INSYN2B: variants seen among roughly 807,000 people sequenced by gnomAD.
The protein encoded by INSYN2B is protein INSYN2B.
In INSYN2B, 16 loss-of-function variants were observed where a neutral mutation model predicts 41.2. The observed-to-expected ratio is 0.39, with a 90% CI of 0.26 to 0.59. The LOEUF (loss-of-function observed/expected upper bound fraction) is 0.59. INSYN2B is among the 20% of genes least tolerant of loss of function. INSYN2B has a pLI of 0.57. For synonymous variants in INSYN2B, 245 were observed against 244.4 expected (o/e 1.00, Z -0.02); for missense variants, 608 against 646.4 (o/e 0.94, Z 0.64).
At chr5:169,913,976 C>T (rs1160014124) in intron 1 of INSYN2B, among the ~76,000 whole-genome samples, 5 of 152,180 alleles carry the variant, frequency 3.3e-5, no homozygotes, top group East Asian at 1.9e-4. Context: ...AGAAAACTCA[C>T]GTGTCCTGAC....
intron 1 of INSYN2B, among the ~76,000 whole-genome samples, chr5:169,901,786 A>G (rs951348803): frequency 1.3e-5 from 2 of 152,248 alleles, no homozygotes; most frequent in South Asian, 2.1e-4. Flanking sequence ...AGGCTTTCCC[A>G]GAGCCAAATG....
At chr5:169,919,980 T>C (rs1249733250) in intron 1 of INSYN2B, among the ~76,000 whole-genome samples, 1 of 152,246 alleles carries the variant, frequency 6.6e-6, no homozygotes, top group Non-Finnish European at 1.5e-5. Flanking sequence ...ACACATACTT[T>C]AGTGATACAT....
rs78857315 is a variant in INSYN2B, at chr5:169,908,450, C to T, written c.-918-23634G>A. ...TAATCCCCAAATCATGACATTTGGT[C>T]TTCTGAATATGGCCCCCAAGTTATG... On this transcript the variant is annotated intron_variant, in intron 1 of 3. Coordinates refer to ENST00000377365, the MANE Select transcript of INSYN2B (RefSeq NM_001129891.3). Among the ~76,000 whole-genome samples the T allele has an allele frequency of 5.4e-3, 816 of 152,282 alleles. 7 individuals are homozygous for T. Among genetic ancestry groups the T allele is most frequent in the Admixed American group, 7.9e-3 (121 of 15,286 alleles).
intron 1 of INSYN2B, among the ~76,000 whole-genome samples, chr5:169,979,123 G>T (rs1777846911): frequency 6.6e-6 from 1 of 152,172 alleles, no homozygotes; most frequent in African/African-American, 2.4e-5. Flanking sequence ...GGGGATTCTT[G>T]CTAGCCTGGA....
chr5:169,899,514 A>C (rs1773800471), intron 1 of INSYN2B, among the ~76,000 whole-genome samples: 1 of 152,160 alleles, frequency 6.6e-6, no homozygotes, highest in Admixed American at 6.5e-5. Context: ...CCTCAAATGG[A>C]CTTGAGGATA....
chr5:169,952,643 A>G (rs1474419802), intron 1 of INSYN2B, among the ~76,000 whole-genome samples: 2 of 152,290 alleles, frequency 1.3e-5, no homozygotes, highest in African/African-American at 2.4e-5. Flanking sequence ...GCTCTGGAAT[A>G]GAAGGGATGC....
intron 1 of INSYN2B, among the ~76,000 whole-genome samples, chr5:169,892,174 G>A (rs1036024099): frequency 6.6e-6 from 1 of 151,972 alleles, no homozygotes; most frequent in African/African-American, 2.4e-5. Context: ...CAATAAAGTG[G>A]AGTTGTTCTA....
At chr5:169,961,184 G>C (rs1025197123) in intron 1 of INSYN2B, among the ~76,000 whole-genome samples, 5 of 152,150 alleles carry the variant, frequency 3.3e-5, no homozygotes, top group African/African-American at 1.2e-4. Flanking sequence ...AGATGAGGGG[G>C]CATAAATGGG....
intron 3 of INSYN2B, among the ~76,000 whole-genome samples, chr5:169,877,221 G>T (rs556268585): frequency 8.0e-4 from 122 of 152,346 alleles, no homozygotes; most frequent in Middle Eastern, 3.4e-3. Flanking sequence ...GGCTGGAGAG[G>T]AGCCACAGAC....
At chr5:169,898,844 C>T (rs910364203) in intron 1 of INSYN2B, among the ~76,000 whole-genome samples, 14 of 152,086 alleles carry the variant, frequency 9.2e-5, no homozygotes, top group African/African-American at 2.2e-4. Flanking sequence ...GGCCCGTGGA[C>T]GGTAGTTTGC....
At chr5:169,896,185 C>T (rs1175950138) in intron 1 of INSYN2B, among the ~76,000 whole-genome samples, 6 of 149,664 alleles carry the variant, frequency 4.0e-5, no homozygotes, top group African/African-American at 1.5e-4. Flanking sequence ...GGTCGGGGGG[C>T]GGGGAGGCAG....
At chr5:169,910,491 T>C (rs1774533773) in intron 1 of INSYN2B, among the ~76,000 whole-genome samples, 1 of 152,216 alleles carries the variant, frequency 6.6e-6, no homozygotes, top group Non-Finnish European at 1.5e-5. Flanking sequence ...GGAGGCGTGC[T>C]TACCTTTTCT....
At chr5:169,880,856 G>T (rs1416198574) in intron 3 of INSYN2B, among the ~76,000 whole-genome samples, 5 of 152,170 alleles carry the variant, frequency 3.3e-5, no homozygotes, top group Non-Finnish European at 5.9e-5. Context: ...CTTACTCTGT[G>T]CTAGAAGGAA....
At chr5:169,965,251 T>TGA (rs1777253735) in intron 1 of INSYN2B, among the ~76,000 whole-genome samples, 1 of 152,254 alleles carries the variant, frequency 6.6e-6, no homozygotes, top group Admixed American at 6.5e-5. Context: ...CCTGCAGATC[T>TGA]TAGAATCACA....
intron 1 of INSYN2B, among the ~76,000 whole-genome samples, chr5:169,887,487 A>G (rs1773040144): frequency 6.6e-6 from 1 of 152,214 alleles, no homozygotes; most frequent in Non-Finnish European, 1.5e-5. Context: ...GCATACACAG[A>G]CAAGCTTATG....
intron 3 of INSYN2B, among the ~76,000 whole-genome samples, chr5:169,880,195 A>T (rs1772558242): frequency 6.6e-6 from 1 of 152,232 alleles, no homozygotes; most frequent in Non-Finnish European, 1.5e-5. Context: ...AAAGGCATTT[A>T]TCTGTGAGCA....
At chr5:169,926,488 A>G (rs1775464975) in intron 1 of INSYN2B, among the ~76,000 whole-genome samples, 1 of 152,200 alleles carries the variant, frequency 6.6e-6, no homozygotes, top group Non-Finnish European at 1.5e-5. Flanking sequence ...TCAGGTGGCC[A>G]TGTTCAAAGA....
At chr5:169,911,577 G>C (rs564625858) in intron 1 of INSYN2B, among the ~76,000 whole-genome samples, 8 of 152,276 alleles carry the variant, frequency 5.3e-5, no homozygotes, top group African/African-American at 1.9e-4. Context: ...TACTTTATGA[G>C]GACATAATAC....
chr5:169,944,923 C>T (rs1459994947), intron 1 of INSYN2B, among the ~76,000 whole-genome samples: 1 of 152,208 alleles, frequency 6.6e-6, no homozygotes, highest in African/African-American at 2.4e-5. Context: ...TTGTCTGCTA[C>T]ATGTTCTAAC....
Sources: allele counts gnomAD v4.1 joint callset (sites outside exome capture counted in the v4.1 genomes callset), GRCh38; gene constraint gnomAD v4.1.1; transcripts MANE v1.5; gene names NCBI Gene and HGNC (gene_info 2026-07-23, HGNC 2026-07-21).